The following GABRB1 variants were observed in gnomAD, a reference collection of about 807,000 sequenced individuals.
The protein encoded by GABRB1 is gamma-aminobutyric acid type A receptor subunit beta1.
A neutral mutation model predicts 51.6 loss-of-function variants in GABRB1; 17 were observed. That is an observed-to-expected ratio of 0.33 (90% CI 0.23 to 0.49). The LOEUF (loss-of-function observed/expected upper bound fraction) is 0.49. GABRB1 is among the 20% of genes least tolerant of loss of function. The probability of loss-of-function intolerance (pLI) is 0.99; values close to 1 mark genes in which losing one functional copy is unlikely to be tolerated. For missense variants in GABRB1, 410 were observed against 600.6 expected (o/e 0.68, Z 3.32); for synonymous variants, 247 against 218.9 (o/e 1.13, Z -1.14).
chr4:47,132,403 TTTGGTTTGGTTTGGTTTGG>T, intron 3 of GABRB1, among the ~76,000 whole-genome samples: 1 of 17,124 alleles, frequency 5.8e-5, no homozygotes, highest in East Asian at 5.4e-4. Context: ...TTTGGTTTGG[TTTGGTTTGGTTTGGTTTGG>T]TTTGGTTTGG....
At chr4:47,126,632 G>T (rs1349585244) in intron 3 of GABRB1, among the ~76,000 whole-genome samples, 2 of 152,060 alleles carry the variant, frequency 1.3e-5, no homozygotes, top group African/African-American at 4.8e-5. Context: ...AAAATCATCA[G>T]ATTTACATTG....
At chr4:47,364,454 A>G (rs1255056580) in intron 5 of GABRB1, among the ~76,000 whole-genome samples, 1 of 152,114 alleles carries the variant, frequency 6.6e-6, no homozygotes, top group Admixed American at 6.6e-5. Context: ...TATTAAAATG[A>G]TAAAGACAGA....
chr4:47,357,058 C>T (rs58873585), intron 5 of GABRB1, among the ~76,000 whole-genome samples: 11 of 152,236 alleles, frequency 7.2e-5, no homozygotes, highest in African/African-American at 2.6e-4. Flanking sequence ...AGATACAAAC[C>T]TCATTTTTTC....
At chr4:47,369,415 C>T (rs1033307345) in intron 5 of GABRB1, among the ~76,000 whole-genome samples, 1 of 139,828 alleles carries the variant, frequency 7.2e-6, no homozygotes, top group African/African-American at 2.7e-5. Context: ...TACCTCTTCA[C>T]TTTTCTTTTC....
chr4:47,197,197 T>G lies in GABRB1; in HGVS notation c.461+35728T>G, dbSNP rs116722582. ...CTAGCATTACCAAATGTGAGAAGAT[T>G]GTGTCCTATCTTCTACATAGCTTGG... On this transcript the variant is annotated intron_variant, in intron 4 of 8. Transcript: ENST00000295454. 2.6e-3 allele frequency among the ~76,000 whole-genome samples: 397 copies of G among 152,336 alleles called. 2 individuals are homozygous for G. In the Middle Eastern group the frequency reaches 0.031, roughly 12 times the overall value.
At chr4:47,153,137 C>T (rs1717538635) in intron 3 of GABRB1, among the ~76,000 whole-genome samples, 1 of 152,048 alleles carries the variant, frequency 6.6e-6, no homozygotes. Context: ...AAGTCTCCCC[C>T]ACTAGCCTAT....
chr4:47,033,118 T>C (rs554597281), intron 3 of GABRB1: 1 of 193,004 alleles, frequency 5.2e-6, no homozygotes, highest in East Asian at 1.3e-4. Context: ...TTACTGCATC[T>C]TGCAAATTTA....
At chr4:47,233,585 C>T (rs141705105) in intron 4 of GABRB1, among the ~76,000 whole-genome samples, 6 of 152,230 alleles carry the variant, frequency 3.9e-5, no homozygotes, top group African/African-American at 1.4e-4. Flanking sequence ...TTAGTTGCTC[C>T]TAATTCAAGC....
At chr4:47,029,461 C>T (rs571081475), upstream of GABRB1, among the ~76,000 whole-genome samples, 1 of 149,026 alleles carries the variant, frequency 6.7e-6, no homozygotes, top group African/African-American at 2.5e-5. Flanking sequence ...TTTCTTTATA[C>T]AAACCTTCTG....
rs35128586 is a variant in GABRB1, at chr4:47,001,364, A to C, written c.-20+7438A>C. On this transcript the variant is annotated intron_variant, in intron 1 of 3. Transcript: ENST00000513567. ...TCACCGTGTTAGCCAGGATGGTCTG[A>C]ATCTCCTGACCTCGTGATTCTCCCG... Among the ~76,000 whole-genome samples, 251 of 151,932 alleles carry C rather than the reference A, an allele frequency of 1.7e-3. 1 individual carries two copies. The highest frequency in any genetic ancestry group is 3.9e-3 in the South Asian group (19 of 4,822).
chr4:47,004,335 T>A (rs532245024), intron 1 of GABRB1, among the ~76,000 whole-genome samples: 1 of 152,172 alleles, frequency 6.6e-6, no homozygotes, highest in Non-Finnish European at 1.5e-5. Flanking sequence ...TTTTTCCCAG[T>A]GGTTACAATT....
chr4:47,056,189 G>T (rs62305284), intron 3 of GABRB1, among the ~76,000 whole-genome samples: 8,492 of 152,240 alleles, frequency 0.056, 352 homozygotes, highest in Middle Eastern at 0.089. Context: ...GAATAGGAAT[G>T]TTACAGAATA....
intron 5 of GABRB1, among the ~76,000 whole-genome samples, chr4:47,395,139 C>T (rs1272834003): frequency 2.0e-5 from 3 of 152,172 alleles, no homozygotes; most frequent in South Asian, 4.1e-4. Context: ...AACTGGTGAT[C>T]CACTACCTCC....
intron 4 of GABRB1, among the ~76,000 whole-genome samples, chr4:47,259,026 A>C (rs563583015): frequency 6.6e-6 from 1 of 152,252 alleles, no homozygotes. Context: ...ATCCATATGC[A>C]GTTGTCTTAA....
At chr4:47,315,626 A>G (rs1014094680) in intron 4 of GABRB1, among the ~76,000 whole-genome samples, 2 of 152,028 alleles carry the variant, frequency 1.3e-5, no homozygotes, top group South Asian at 4.1e-4. Flanking sequence ...GCATGGAGTC[A>G]ACCTAAGTGC....
chr4:47,141,004 G>C (rs567554454), intron 3 of GABRB1, among the ~76,000 whole-genome samples: 1 of 151,660 alleles, frequency 6.6e-6, no homozygotes, highest in South Asian at 2.1e-4. Flanking sequence ...ACTACCAATG[G>C]CCCTAAATTC....
intron 5 of GABRB1, among the ~76,000 whole-genome samples, chr4:47,398,768 T>G (rs1159517541): frequency 6.7e-6 from 1 of 149,792 alleles, no homozygotes; most frequent in Non-Finnish European, 1.5e-5. Context: ...GTGTGAGGTT[T>G]TTTTGTTTTT....
At chr4:47,423,122 TG>T (rs1161566945) in intron 8 of GABRB1, among the ~76,000 whole-genome samples, 1 of 146,436 alleles carries the variant, frequency 6.8e-6, no homozygotes, top group Non-Finnish European at 1.5e-5. Flanking sequence ...GATATGTGAA[TG>T]GAAAAAAAAA....
chr4:47,079,575 A>G (rs1727732529), intron 3 of GABRB1, among the ~76,000 whole-genome samples: 1 of 152,052 alleles, frequency 6.6e-6, no homozygotes, highest in African/African-American at 2.4e-5. Context: ...ACTGTTCACA[A>G]TAGCAAAGAC....
Sources: allele counts gnomAD v4.1 joint callset (sites outside exome capture counted in the v4.1 genomes callset), GRCh38; gene constraint gnomAD v4.1.1; transcripts MANE v1.5; gene names NCBI Gene and HGNC (gene_info 2026-07-23, HGNC 2026-07-21).